The following BROX variants were observed in gnomAD, a reference collection of about 807,000 sequenced individuals.
BROX encodes the protein BRO1 domain and CAAX motif containing, also known as BRO1 domain-containing protein BROX.
In BROX, 53 loss-of-function variants were observed where a neutral mutation model predicts 61.0. The ratio of observed to expected loss-of-function variants is 0.87; its 90% CI spans 0.70 to 1.09. BROX has a LOEUF of 1.09. Ranked by LOEUF, BROX falls within the 50% of genes least tolerant of loss-of-function variation. BROX has a pLI of 0.00. For missense variants in BROX, 489 were observed against 472.0 expected (o/e 1.04, Z -0.33); for synonymous variants, 152 against 160.2 (o/e 0.95, Z 0.38).
Position 222,715,798 on chromosome 1 carries a change from C to T in BROX, c.99C>T (p.Cys33=), listed in dbSNP as rs1571960072. 1 of 1,576,514 alleles carries T rather than the reference C, an allele frequency of 6.3e-7. No homozygotes were observed. The highest frequency in any genetic ancestry group is 1.2e-5 in the South Asian group (1 of 85,746). ...VVTGPSASKI[C]NDLRSSRARL... is the part of the protein sequence containing the mutation. ...CTGGCCCTTCTGCTTCAAAAATATGCAAGTAAGTTTATTGATTGAACCACT... is the reference window on the plus strand; with the variant it reads ...CTGGCCCTTCTGCTTCAAAAATATGTAAGTAAGTTTATTGATTGAACCACT... The change falls in exon 2 of 13, where the codon TGC becomes TGT. Residue 33 remains cysteine (C), a splice_region_variant and synonymous_variant. Transcript: ENST00000340934.
At chr1:222,720,961 T>G (rs1657053460) in intron 4 of BROX, among the ~76,000 whole-genome samples, 1 of 152,250 alleles carries the variant, frequency 6.6e-6, no homozygotes, top group Non-Finnish European at 1.5e-5. Context: ...GATTGCTGCT[T>G]ACTCAGTGGA....
Position 222,712,625 on chromosome 1 carries a change from ACTCTT to A in BROX, c.-327_-323del, listed in dbSNP as rs1460638132. ...TCCCTCGGCTCCGGAGGTAGGGGCA[ACTCTT>A]CTCTTCCTGTCTGGGAAAAAGACCA... On this transcript the variant is annotated 5_prime_UTR_variant, in exon 1 of 13. Coordinates refer to ENST00000340934, the MANE Select transcript of BROX (RefSeq NM_144695.4). 1.0e-5 allele frequency: 14 copies of A among 1,333,330 alleles called. No individual in the cohort carries two copies. Among genetic ancestry groups the A allele is most frequent in the Non-Finnish European group, 1.4e-5 (14 of 1,019,320 alleles). The allele number at this position is 1,333,330 out of a possible 1,614,324, so 82.6% of individuals were successfully genotyped here. A position where few individuals can be genotyped will look rare whatever the true frequency, so the allele number is the denominator to read the frequency against.
intron 5 of BROX, among the ~76,000 whole-genome samples, chr1:222,723,752 C>T (rs549733570): frequency 2.0e-5 from 3 of 152,218 alleles, no homozygotes; most frequent in South Asian, 4.1e-4. Flanking sequence ...GATCTCGGCT[C>T]GCTGCAACTG....
chr1:222,732,306 T>C (rs1657999338), intron 12 of BROX, among the ~76,000 whole-genome samples: 1 of 152,198 alleles, frequency 6.6e-6, no homozygotes, highest in South Asian at 2.1e-4. Context: ...GCTGGTGTGC[T>C]GCACCCATTA....
At chr1:222,718,899 T>G (rs1656841893) in intron 2 of BROX, 26 bp from the exon 3 acceptor site, 1 of 1,586,176 alleles carries the variant, frequency 6.3e-7, no homozygotes, top group Non-Finnish European at 8.6e-7. Context: ...CAGCTAACTT[T>G]ACTGTCTTTT....
intron 10 of BROX, 131 bp from the exon 11 acceptor site, chr1:222,729,893 GTAT>G (rs1657809804): frequency 9.8e-7 from 1 of 1,015,896 alleles, no homozygotes; most frequent in Non-Finnish European, 1.4e-6. Flanking sequence ...TCTACTTACA[GTAT>G]TATTATTGGT....
intron 5 of BROX, among the ~76,000 whole-genome samples, chr1:222,723,719 G>A (rs1021006474): frequency 3.9e-5 from 6 of 152,122 alleles, no homozygotes; most frequent in African/African-American, 1.2e-4. Context: ...CTGTCGCCAG[G>A]CCAGGCTGGA....
intron 2 of BROX, among the ~76,000 whole-genome samples, chr1:222,718,682 C>T (rs1156264920): frequency 6.6e-6 from 1 of 152,120 alleles, no homozygotes; most frequent in African/African-American, 2.4e-5. Context: ...TTTACTACAA[C>T]TTTTAAAACA....
intron 7 of BROX, among the ~76,000 whole-genome samples, chr1:222,726,780 G>C (rs1657535051): frequency 1.3e-5 from 2 of 151,886 alleles, no homozygotes; most frequent in Non-Finnish European, 2.9e-5. Context: ...AGCCACTCAG[G>C]AGACTGAGGC....
chr1:222,719,793 G>A (rs1233108227), intron 4 of BROX, among the ~76,000 whole-genome samples: 3 of 152,094 alleles, frequency 2.0e-5, no homozygotes, highest in Non-Finnish European at 4.4e-5. Context: ...TTGATTCACA[G>A]TATATTTTCT....
chr1:222,713,127 A>T, intron 1 of BROX, 185 bp downstream of exon 1: 1 of 994,944 alleles, frequency 1.0e-6, no homozygotes, highest in Non-Finnish European at 1.2e-6. Flanking sequence ...ACCACAAATC[A>T]GTGGCATTAA....
At chr1:222,730,237 A>T in intron 11 of BROX, 60 bp downstream of exon 11, 1 of 1,129,370 alleles carries the variant, frequency 8.9e-7, no homozygotes, top group Non-Finnish European at 1.2e-6. Context: ...ATTATATTAA[A>T]ATATTAATAT....
rs896513333 is a variant in BROX, at chr1:222,715,810, T to C, written c.101+10T>C. On this transcript the variant is annotated intron_variant, in intron 2 of 12. Coordinates refer to ENST00000340934, the MANE Select transcript of BROX (RefSeq NM_144695.4). Reference sequence around the variant, plus strand: ...CTTCAAAAATATGCAAGTAAGTTTATTGATTGAACCACTCTTAGATGCAAG... The same window carrying C: ...CTTCAAAAATATGCAAGTAAGTTTACTGATTGAACCACTCTTAGATGCAAG... 1.3e-6 allele frequency: 2 copies of C among 1,541,312 alleles called. No homozygotes were observed. The highest frequency in any genetic ancestry group is 8.9e-7 in the Non-Finnish European group (1 of 1,125,628).
intron 3 of BROX, 88 bp from the exon 4 acceptor site, chr1:222,719,175 G>A (rs1187703456): frequency 1.6e-6 from 2 of 1,280,572 alleles, no homozygotes; most frequent in Non-Finnish European, 2.2e-6. Context: ...CAGACACCTG[G>A]AAAAGTAATC....
intron 3 of BROX, 102 bp downstream of exon 3, chr1:222,719,133 G>T: frequency 7.8e-7 from 1 of 1,284,506 alleles, no homozygotes. Context: ...CTTCCAGACT[G>T]TATTCTTTGG....
At chr1:222,714,971 C>T (rs145822501) in intron 1 of BROX, among the ~76,000 whole-genome samples, 11 of 152,098 alleles carry the variant, frequency 7.2e-5, no homozygotes, top group Admixed American at 6.5e-4. Context: ...TTGGAAAGTA[C>T]ATTTTATTGT....
intron 6 of BROX, among the ~76,000 whole-genome samples, chr1:222,724,466 G>A (rs746897321): frequency 6.6e-6 from 1 of 152,112 alleles, no homozygotes; most frequent in Admixed American, 6.5e-5. Flanking sequence ...AGTATTGATG[G>A]TTCTTACCTA....
At chr1:222,724,838 G>A (rs989854023) in intron 6 of BROX, among the ~76,000 whole-genome samples, 5 of 151,922 alleles carry the variant, frequency 3.3e-5, no homozygotes, top group South Asian at 2.1e-4. Flanking sequence ...ACTGTCGCCC[G>A]GGCTGGAGTG....
intron 2 of BROX, among the ~76,000 whole-genome samples, chr1:222,718,554 T>A (rs1656811475): frequency 6.6e-6 from 1 of 152,208 alleles, no homozygotes; most frequent in Non-Finnish European, 1.5e-5. Context: ...TTTTTTATTC[T>A]TCTTTCCCCA....
Sources: allele counts gnomAD v4.1 joint callset (sites outside exome capture counted in the v4.1 genomes callset), GRCh38; gene constraint gnomAD v4.1.1; transcripts MANE v1.5; gene names NCBI Gene and HGNC (gene_info 2026-07-23, HGNC 2026-07-21).